The following NRG3 variants were observed in gnomAD, a reference collection of about 807,000 sequenced individuals.
The protein encoded by NRG3 is pro-neuregulin-3, membrane-bound isoform.
NRG3 carries 31 observed loss-of-function variants against 66.9 expected under a neutral mutation model. The ratio of observed to expected loss-of-function variants is 0.46; its 90% confidence interval spans 0.35 to 0.63. The LOEUF (loss-of-function observed/expected upper bound fraction) is 0.63. Ranked by LOEUF, NRG3 falls within the 20% of genes least tolerant of loss-of-function variation. NRG3 has a pLI of 0.00. For synonymous variants in NRG3, 393 were observed against 359.4 expected (o/e 1.09, Z -1.06); for missense variants, 910 against 878.9 (o/e 1.04, Z -0.45).
chr10:82,296,057 A>G (rs1836575935), intron 1 of NRG3, among the ~76,000 whole-genome samples: 1 of 152,138 alleles, frequency 6.6e-6, no homozygotes, highest in Admixed American at 6.5e-5. Context: ...GGCTTTCCTG[A>G]GGAAGTAATT....
At chr10:81,923,910 G>A (rs1846511008) in intron 1 of NRG3, among the ~76,000 whole-genome samples, 1 of 152,192 alleles carries the variant, frequency 6.6e-6, no homozygotes, top group Admixed American at 6.5e-5. Context: ...TATTTATAGG[G>A]TGAGCATGTA....
At chr10:82,567,804 T>C (rs1440888906) in intron 2 of NRG3, among the ~76,000 whole-genome samples, 1 of 151,954 alleles carries the variant, frequency 6.6e-6, no homozygotes, top group Non-Finnish European at 1.5e-5. Context: ...ACAAATGATT[T>C]TTTTCTTTAA....
chr10:82,486,357 A>G (rs1842676465), intron 2 of NRG3, among the ~76,000 whole-genome samples: 1 of 152,244 alleles, frequency 6.6e-6, no homozygotes, highest in Non-Finnish European at 1.5e-5. Flanking sequence ...AGAGGTAGAA[A>G]AAGCCTAAAT....
chr10:82,745,385 A>G (rs2058600042), intron 3 of NRG3, among the ~76,000 whole-genome samples: 2 of 152,140 alleles, frequency 1.3e-5, no homozygotes, highest in South Asian at 4.1e-4. Context: ...ACTAATTATC[A>G]CTTTCCCCTG....
chr10:82,586,715 T>A (rs747103645), intron 2 of NRG3, among the ~76,000 whole-genome samples: 47 of 152,228 alleles, frequency 3.1e-4, no homozygotes, highest in Non-Finnish European at 5.0e-4. Flanking sequence ...TTGTGTTTAG[T>A]TGCTTTTGAA....
chr10:82,075,305 T>C (rs548021018), intron 1 of NRG3, among the ~76,000 whole-genome samples: 2 of 152,234 alleles, frequency 1.3e-5, no homozygotes, highest in Non-Finnish European at 2.9e-5. Flanking sequence ...TTTATTTTTG[T>C]GTCTTTGATA....
intron 6 of NRG3, among the ~76,000 whole-genome samples, chr10:82,960,806 C>A (rs1471764828): frequency 6.6e-6 from 1 of 152,050 alleles, no homozygotes; most frequent in Non-Finnish European, 1.5e-5. Context: ...ACCTTGTGAC[C>A]CCCACCCCTG....
intron 2 of NRG3, among the ~76,000 whole-genome samples, chr10:82,687,086 G>A (rs1278728458): frequency 1.3e-5 from 2 of 152,084 alleles, no homozygotes; most frequent in South Asian, 2.1e-4. Flanking sequence ...CATGCCCTCC[G>A]GAGCAACCAT....
intron 1 of NRG3, among the ~76,000 whole-genome samples, chr10:81,890,073 G>A (rs1842900381): frequency 6.6e-6 from 1 of 152,156 alleles, no homozygotes; most frequent in Non-Finnish European, 1.5e-5. Flanking sequence ...ACTTCTAAAT[G>A]ACTAGATAAC....
intron 2 of NRG3, among the ~76,000 whole-genome samples, chr10:82,434,912 TG>T (rs1438710935): frequency 6.6e-6 from 1 of 152,174 alleles, no homozygotes; most frequent in Non-Finnish European, 1.5e-5. Context: ...TTTCTTTTTT[TG>T]TTATGTGTCT....
At chr10:82,395,920 TAGAA>T (rs760017185) in intron 2 of NRG3, among the ~76,000 whole-genome samples, 6 of 152,182 alleles carry the variant, frequency 3.9e-5, no homozygotes, top group African/African-American at 7.2e-5. Context: ...AATAAAAAAA[TAGAA>T]AGACTAATAT....
rs1288079096 is a variant in NRG3, at chr10:81,882,021, A to G, written c.823+5858A>G. Among the ~76,000 whole-genome samples, 13 of 152,216 alleles carry G rather than the reference A, an allele frequency of 8.5e-5. No homozygotes were observed. In the East Asian group the frequency reaches 2.5e-3, roughly 29 times the overall value. On this transcript the variant is annotated intron_variant, in intron 1 of 8. Transcript: ENST00000372141. Reference sequence around the variant, plus strand: ...GAGTTTCTTCAAAGCATTCAACTACATTTTAATAGAAACTACAATTATCTT... The same window carrying G: ...GAGTTTCTTCAAAGCATTCAACTACGTTTTAATAGAAACTACAATTATCTT...
At chr10:82,268,250 G>A (rs12259197) in intron 1 of NRG3, among the ~76,000 whole-genome samples, 15,320 of 152,032 alleles carry the variant, frequency 0.1, 2,195 homozygotes, top group African/African-American at 0.32. Flanking sequence ...CTTTTTCAGA[G>A]GAGAAAACTG....
intron 1 of NRG3, among the ~76,000 whole-genome samples, chr10:82,276,893 G>T (rs2078878054): frequency 6.6e-6 from 1 of 151,930 alleles, no homozygotes; most frequent in African/African-American, 2.4e-5. Flanking sequence ...AGTTAAAAAA[G>T]ATAGTACATT....
At chr10:82,693,968 A>G (rs2055158903) in intron 2 of NRG3, among the ~76,000 whole-genome samples, 1 of 152,026 alleles carries the variant, frequency 6.6e-6, no homozygotes, top group Non-Finnish European at 1.5e-5. Flanking sequence ...TGATTTGTCC[A>G]TTTTACAGAG....
At position 82,985,230 on chromosome 10, in the gene NRG3, T is replaced by C; in HGVS notation, c.1716T>C (p.Ser572=). The stretch of plus-strand genomic sequence containing the variant: ...TGGGCTATTCATCCACAAGGGCCAG[T>C]TCTGTGCCCATCATCCCTTCAGTGG... ...DLVGYSSTRA[S]SVPIIPSVGL... is the part of the protein sequence containing the mutation. The change falls in exon 9 of 9, where the codon AGT becomes AGC. Residue 572 remains serine (S), a synonymous_variant. Transcript: ENST00000372141. 1 of 1,614,150 alleles carries C rather than the reference T, an allele frequency of 6.2e-7. No homozygotes were observed. Among genetic ancestry groups the C allele is most frequent in the Non-Finnish European group, 8.5e-7 (1 of 1,179,996 alleles).
intron 1 of NRG3, among the ~76,000 whole-genome samples, chr10:81,897,047 G>C (rs1408275480): frequency 4.6e-5 from 7 of 152,174 alleles, no homozygotes; most frequent in Admixed American, 4.6e-4. Context: ...CACAGCTGAG[G>C]TCATGGTAGT....
intron 2 of NRG3, among the ~76,000 whole-genome samples, chr10:82,684,031 G>A (rs1290510361): frequency 3.8e-5 from 2 of 52,280 alleles, no homozygotes; most frequent in Non-Finnish European, 8.0e-5. Context: ...TATTCAGAGC[G>A]CCCCTGTGTT....
Position 82,724,424 on chromosome 10 carries a change from G to T in NRG3, c.954-14153G>T, listed in dbSNP as rs370883995. ...TATATTATTGTGAATTCTGATCAAAGCTGCCCACTTCCTTTAGCCGGCAGA... is the reference window on the plus strand; with the variant it reads ...TATATTATTGTGAATTCTGATCAAATCTGCCCACTTCCTTTAGCCGGCAGA... On this transcript the variant is annotated intron_variant, in intron 2 of 8. Coordinates refer to ENST00000372141, the MANE Select transcript of NRG3 (RefSeq NM_001010848.4). 3.0e-4 allele frequency among the ~76,000 whole-genome samples: 45 copies of T among 152,272 alleles called. No individual in the cohort carries two copies. In the South Asian group the frequency reaches 7.1e-3, roughly 24 times the overall value.
Sources: gnomAD v4.1 joint callset for allele counts (sites outside exome capture counted in the v4.1 genomes callset) on GRCh38, gnomAD v4.1.1 for gene constraint, MANE v1.5 for transcripts, NCBI Gene and HGNC (gene_info 2026-07-23, HGNC 2026-07-21) for gene names.